Variants in DAPK1 observed in about 807,000 individuals in gnomAD.
DAPK1 encodes death-associated protein kinase 1.
A neutral mutation model predicts 144.9 loss-of-function variants in DAPK1; 56 were observed. The observed-to-expected ratio is 0.39, with a 90% CI of 0.31 to 0.48. The LOEUF is 0.48. DAPK1 is among the 20% of genes least tolerant of loss of function. DAPK1 has a pLI of 0.95. For synonymous variants in DAPK1, 690 were observed against 749.0 expected (o/e 0.92, Z 1.29); for missense variants, 1,454 against 1,875.4 (o/e 0.78, Z 4.15).
At chr9:87,604,720 C>G (rs1828650940) in intron 2 of DAPK1, among the ~76,000 whole-genome samples, 1 of 152,158 alleles carries the variant, frequency 6.6e-6, no homozygotes, top group African/African-American at 2.4e-5. Context: ...GACATGATCA[C>G]TCTTTCAATA....
chr9:87,570,820 T>C (rs1392247510), intron 2 of DAPK1, among the ~76,000 whole-genome samples: 3 of 152,208 alleles, frequency 2.0e-5, no homozygotes, highest in East Asian at 3.8e-4. Flanking sequence ...TGCAAACACA[T>C]AGGGTGTCGA....
chr9:87,635,428 G>A (rs969762960), intron 3 of DAPK1, among the ~76,000 whole-genome samples: 8 of 152,110 alleles, frequency 5.3e-5, no homozygotes, highest in Non-Finnish European at 1.2e-4. Flanking sequence ...CCTGAAGAGG[G>A]CCACGGAGAG....
chr9:87,690,132 A>G (rs1825004366), intron 21 of DAPK1, among the ~76,000 whole-genome samples: 1 of 152,184 alleles, frequency 6.6e-6, no homozygotes, highest in Non-Finnish European at 1.5e-5. Flanking sequence ...CTTCCAATAT[A>G]TGACCACAGC....
intron 23 of DAPK1, among the ~76,000 whole-genome samples, chr9:87,699,444 AG>A (rs1825382763): frequency 6.6e-6 from 1 of 152,178 alleles, no homozygotes; most frequent in African/African-American, 2.4e-5. Context: ...GGAATGGGAT[AG>A]GATAGGACAG....
At chr9:87,649,872 T>G in intron 15 of DAPK1, 49 bp from the exon 16 acceptor site, 1 of 1,591,404 alleles carries the variant, frequency 6.3e-7, no homozygotes, top group South Asian at 1.1e-5. Context: ...TTATACTTTG[T>G]TTCTCATTAT....
chr9:87,585,903 A>G (rs1417179808), intron 2 of DAPK1, among the ~76,000 whole-genome samples: 1 of 152,232 alleles, frequency 6.6e-6, no homozygotes, highest in Non-Finnish European at 1.5e-5. Flanking sequence ...CTACATGCTT[A>G]AATCATAACA....
At chr9:87,581,977 T>C (rs1827767234) in intron 2 of DAPK1, among the ~76,000 whole-genome samples, 1 of 152,220 alleles carries the variant, frequency 6.6e-6, no homozygotes, top group Non-Finnish European at 1.5e-5. Context: ...CAGAGTTTGG[T>C]GCTCTACAAA....
chr9:87,648,980 C>A, intron 15 of DAPK1, 101 bp downstream of exon 15: 1 of 1,017,658 alleles, frequency 9.8e-7, no homozygotes, highest in Non-Finnish European at 1.5e-6. Context: ...CCAAGCTAGG[C>A]TTTCTGTCTT....
chr9:87,527,575 A>G (rs1018768049), intron 2 of DAPK1, among the ~76,000 whole-genome samples: 35 of 152,238 alleles, frequency 2.3e-4, no homozygotes, highest in African/African-American at 8.4e-4. Flanking sequence ...TGCTCTCTGC[A>G]TCTAGGTCTA....
intron 3 of DAPK1, among the ~76,000 whole-genome samples, chr9:87,635,984 TC>T (rs1382031838): frequency 6.6e-6 from 1 of 152,122 alleles, no homozygotes; most frequent in African/African-American, 2.4e-5. Flanking sequence ...TCCCACTTTT[TC>T]CCCCCTATAG....
chr9:87,511,963 C>T (rs146727232), intron 2 of DAPK1, among the ~76,000 whole-genome samples: 4,517 of 152,236 alleles, frequency 0.03, 245 homozygotes, highest in African/African-American at 0.1. Context: ...CCACCCACCT[C>T]GGCCTCCCAA....
At chr9:87,615,073 A>G (rs917957102) in intron 3 of DAPK1, among the ~76,000 whole-genome samples, 1 of 152,234 alleles carries the variant, frequency 6.6e-6, no homozygotes, top group African/African-American at 2.4e-5. Flanking sequence ...CAAGCAGGTC[A>G]GTGACAGTCT....
intron 3 of DAPK1, chr9:87,632,841 A>T (rs1326054183): frequency 1.0e-6 from 1 of 974,094 alleles, no homozygotes; most frequent in Non-Finnish European, 1.2e-6. Flanking sequence ...GGTATGAAGG[A>T]TGATGAGTAC....
At chr9:87,552,802 C>T (rs1983970) in intron 2 of DAPK1, among the ~76,000 whole-genome samples, 64,008 of 150,872 alleles carry the variant, frequency 0.42, 14,059 homozygotes, top group African/African-American at 0.55. Context: ...GGGGTCTCTG[C>T]GTTGCTCAGG....
intron 2 of DAPK1, among the ~76,000 whole-genome samples, chr9:87,565,070 G>A (rs1827065958): frequency 6.6e-6 from 1 of 152,198 alleles, no homozygotes; most frequent in Admixed American, 6.5e-5. Flanking sequence ...CTGGCAGGCA[G>A]TGTGCTGTGG....
intron 2 of DAPK1, among the ~76,000 whole-genome samples, chr9:87,593,294 A>C (rs991074743): frequency 6.6e-6 from 1 of 152,240 alleles, no homozygotes; most frequent in Non-Finnish European, 1.5e-5. Context: ...CAGACTTCCC[A>C]GTGTAAGGTG....
intron 2 of DAPK1, chr9:87,525,465 A>AAT: frequency 2.5e-6 from 4 of 1,578,144 alleles, no homozygotes; most frequent in Middle Eastern, 2.3e-4. Context: ...GGTTTCATTA[A>AAT]GTTGGACTAA....
chr9:87,568,776 T>C (rs57178521), intron 2 of DAPK1, among the ~76,000 whole-genome samples: 18,246 of 152,254 alleles, frequency 0.12, 1,356 homozygotes, highest in East Asian at 0.34. Flanking sequence ...CTGAGCCATA[T>C]AGTGTTGGGG....
In DAPK1 at chr9:87,650,060, A is replaced by G. The variant is rs768333156; in HGVS notation, c.1568A>G (p.Tyr523Cys). The change falls in exon 16 of 26, where the codon TAC (tyrosine) becomes TGC (cysteine). Residue 523 changes from tyrosine to cysteine, a missense_variant. Around this residue, in one of 2 missense-constraint regions of DAPK1, gnomAD observed 1,025 missense variants for 1,237.9 expected, o/e 0.83. Coordinates refer to ENST00000408954, the MANE Select transcript of DAPK1 (RefSeq NM_004938.4). The part of the protein sequence containing the change: ...TPLLTASARG[Y>C]HDIVECLAEH... ...CTCCTGACAGCCTCTGCCAGGGGCT[A>G]CCACGACATCGTGGAGTGTCTGGCC... 7 of 1,614,124 alleles carry G rather than the reference A, an allele frequency of 4.3e-6. No homozygotes were observed. The highest frequency in any genetic ancestry group is 5.9e-6 in the Non-Finnish European group (7 of 1,180,048).
Sources: allele counts gnomAD v4.1 joint callset (sites outside exome capture counted in the v4.1 genomes callset), GRCh38; gene constraint gnomAD v4.1.1; regional missense constraint gnomAD v4.1.1; transcripts MANE v1.5; gene names NCBI Gene and HGNC (gene_info 2026-07-23, HGNC 2026-07-21).